Variants in FGF14 observed in about 807,000 individuals in gnomAD.
FGF14 encodes fibroblast growth factor 14.
Under a neutral mutation model 25.5 loss-of-function variants are expected in FGF14, and 5 were observed. The observed-to-expected ratio is 0.20, with a 90% CI of 0.10 to 0.41. The LOEUF (loss-of-function observed/expected upper bound fraction) is 0.41, where lower values mean the gene tolerates loss of function less well. Among genes scored for constraint, FGF14 ranks in the 10% least tolerant of loss-of-function variants. The pLI, the probability that FGF14 is intolerant of heterozygous loss-of-function variation, is 1.00. For synonymous variants in FGF14, 138 were observed against 118.3 expected, an observed-to-expected ratio of 1.17 and a Z score of -1.08; for missense variants, 222 against 320.1, an observed-to-expected ratio of 0.69 and a Z score of 2.34.
chr13:102,274,622 T>C (rs913544109), intron 1 of FGF14, among the ~76,000 whole-genome samples: 1 of 152,094 alleles, frequency 6.6e-6, no homozygotes, highest in Non-Finnish European at 1.5e-5. Context: ...ATATATAATA[T>C]ATTTTTTAAA....
At chr13:102,372,720 CT>C (rs1490430558) in intron 1 of FGF14, among the ~76,000 whole-genome samples, 1 of 151,982 alleles carries the variant, frequency 6.6e-6, no homozygotes, top group African/African-American at 2.4e-5. Context: ...AGTCTCAGGA[CT>C]TTTTCCTACC....
chr13:102,082,895 T>C (rs1321708806), intron 1 of FGF14, among the ~76,000 whole-genome samples: 3 of 151,828 alleles, frequency 2.0e-5, no homozygotes, highest in Non-Finnish European at 4.4e-5. Flanking sequence ...GAGGCGGAGC[T>C]TGCAGTGAGC....
At chr13:102,163,531 A>C (rs1772025231) in intron 1 of FGF14, among the ~76,000 whole-genome samples, 1 of 152,160 alleles carries the variant, frequency 6.6e-6, no homozygotes, top group African/African-American at 2.4e-5. Flanking sequence ...AATGCTCTAT[A>C]ACAAGAGTTG....
At chr13:102,056,439 G>A (rs1320561863) in intron 1 of FGF14, among the ~76,000 whole-genome samples, 3 of 152,088 alleles carry the variant, frequency 2.0e-5, no homozygotes, top group African/African-American at 7.2e-5. Flanking sequence ...TGTGCTTTTG[G>A]TAGAAAAAAG....
chr13:102,265,430 C>T (rs766435732), intron 1 of FGF14, among the ~76,000 whole-genome samples: 2 of 151,978 alleles, frequency 1.3e-5, no homozygotes, highest in Non-Finnish European at 2.9e-5. Context: ...AAAATAATAG[C>T]GCATCTGAAT....
intron 1 of FGF14, among the ~76,000 whole-genome samples, chr13:102,305,947 G>A (rs1213104600): frequency 6.6e-6 from 1 of 152,120 alleles, no homozygotes; most frequent in Non-Finnish European, 1.5e-5. Flanking sequence ...TTGAAGCCCT[G>A]GGGAAGCATT....
rs79645561 is a variant in FGF14, at chr13:102,202,506, A to G, written c.208+198965T>C. ...GAATTACAGAACATTTTGAATCACC[A>G]CTAGTCTGTTCATATTACACAGAAA... On this transcript the variant is annotated intron_variant, in intron 1 of 4. Transcript: ENST00000376131. 2.8e-3 allele frequency among the ~76,000 whole-genome samples: 430 copies of G among 152,280 alleles called. 3 individuals are homozygous for G. The highest frequency in any genetic ancestry group is 9.8e-3 in the African/African-American group (408 of 41,574).
intron 1 of FGF14, among the ~76,000 whole-genome samples, chr13:101,939,079 A>G (rs911123271): frequency 1.3e-5 from 2 of 152,198 alleles, no homozygotes; most frequent in African/African-American, 4.8e-5. Flanking sequence ...AAGGCTGAGG[A>G]GCCCTGGCAT....
At chr13:101,788,446 A>C (rs2039981782) in intron 3 of FGF14, among the ~76,000 whole-genome samples, 1 of 152,168 alleles carries the variant, frequency 6.6e-6, no homozygotes, top group African/African-American at 2.4e-5. Flanking sequence ...ACATGTGTGT[A>C]AGCACTGAGG....
At chr13:102,289,729 A>G (rs2054283556) in intron 1 of FGF14, among the ~76,000 whole-genome samples, 1 of 152,152 alleles carries the variant, frequency 6.6e-6, no homozygotes, top group Non-Finnish European at 1.5e-5. Context: ...TCATATCTTA[A>G]TTTGCCAACA....
At chr13:102,144,541 T>C (rs545799110) in intron 1 of FGF14, among the ~76,000 whole-genome samples, 39 of 149,916 alleles carry the variant, frequency 2.6e-4, no homozygotes, top group African/African-American at 9.0e-4. Context: ...TTATATATGA[T>C]AGTTATATAT....
chr13:102,342,707 T>C (rs2056988259), intron 1 of FGF14, among the ~76,000 whole-genome samples: 1 of 151,502 alleles, frequency 6.6e-6, no homozygotes, highest in South Asian at 2.1e-4. Flanking sequence ...CAAACAGGAG[T>C]CTAGCTAAAA....
At chr13:101,860,869 T>C (rs1362935098) in intron 3 of FGF14, among the ~76,000 whole-genome samples, 1 of 152,134 alleles carries the variant, frequency 6.6e-6, no homozygotes, top group East Asian at 1.9e-4. Context: ...TTGATGTTTG[T>C]GAACCACTAT....
intron 1 of FGF14, among the ~76,000 whole-genome samples, chr13:102,210,613 T>C (rs1378430100): frequency 6.6e-6 from 1 of 152,182 alleles, no homozygotes; most frequent in South Asian, 2.1e-4. Flanking sequence ...TCCCAACTCT[T>C]AGCTACTTAT....
chr13:102,363,273 A>C (rs921167216), intron 1 of FGF14, among the ~76,000 whole-genome samples: 2 of 152,206 alleles, frequency 1.3e-5, no homozygotes, highest in African/African-American at 4.8e-5. Context: ...TAGAGTTGCT[A>C]ATTTATTTAT....
At chr13:101,859,333 T>C (rs2044289731) in intron 3 of FGF14, among the ~76,000 whole-genome samples, 1 of 152,178 alleles carries the variant, frequency 6.6e-6, no homozygotes, top group African/African-American at 2.4e-5. Flanking sequence ...ATAGAACTCT[T>C]AGAATTCATC....
At position 102,273,397 on chromosome 13, in the gene FGF14, G is replaced by A. The variant is rs1209607368; in HGVS notation, c.208+128074C>T. Among the ~76,000 whole-genome samples, 4 of 152,224 alleles carry A rather than the reference G, an allele frequency of 2.6e-5. No homozygotes were observed. The East Asian group carries it at 5.8e-4, about 22-fold the overall frequency. ...TCACCAAAAGGAAATCTGAAGACTC[G>A]CCACCTGTTCAGAGGTTTGCTTTTC... On this transcript the variant is annotated intron_variant, in intron 1 of 4. Transcript: ENST00000376131.
At chr13:102,161,667 G>A (rs1566765490) in intron 1 of FGF14, among the ~76,000 whole-genome samples, 1 of 48,960 alleles carries the variant, frequency 2.0e-5, no homozygotes, top group Non-Finnish European at 4.4e-5. Flanking sequence ...AGAAGAAGAA[G>A]AAGAAGAAGA....
At chr13:101,815,854 G>T (rs1315862432) in intron 3 of FGF14, among the ~76,000 whole-genome samples, 1 of 152,150 alleles carries the variant, frequency 6.6e-6, no homozygotes, top group East Asian at 1.9e-4. Context: ...GTGCTGACAG[G>T]TGGGTGATGG....
Sources: allele counts gnomAD v4.1 joint callset (sites outside exome capture counted in the v4.1 genomes callset), GRCh38; gene constraint gnomAD v4.1.1; transcripts MANE v1.5; gene names NCBI Gene and HGNC (gene_info 2026-07-23, HGNC 2026-07-21).